The following NTM variants were observed in gnomAD, a reference collection of about 807,000 sequenced individuals.
The protein encoded by NTM is neurotrimin.
Under a neutral mutation model 42.1 loss-of-function variants are expected in NTM, and 13 were observed. The observed-to-expected ratio is 0.31, with a 90% CI of 0.20 to 0.49. The LOEUF (loss-of-function observed/expected upper bound fraction) is 0.49, where lower values mean the gene tolerates loss of function less well. Ranked by LOEUF, NTM falls within the 20% of genes least tolerant of loss-of-function variation. The pLI is 0.99. For synonymous variants in NTM, 187 were observed against 179.2 expected, an observed-to-expected ratio of 1.04 and a Z score of -0.35; for missense variants, 373 against 452.8, an observed-to-expected ratio of 0.82 and a Z score of 1.60.
intron 1 of NTM, among the ~76,000 whole-genome samples, chr11:131,775,535 A>G (rs2086824250): frequency 6.6e-6 from 1 of 152,200 alleles, no homozygotes; most frequent in African/African-American, 2.4e-5. Context: ...AAGAGAAAAC[A>G]TTAGTTCCTG....
intron 2 of NTM, among the ~76,000 whole-genome samples, chr11:131,998,033 C>G (rs1184133757): frequency 6.6e-6 from 1 of 152,106 alleles, no homozygotes; most frequent in Non-Finnish European, 1.5e-5. Flanking sequence ...CCCCTCCCAC[C>G]CCATGGTGTT....
intron 1 of NTM, among the ~76,000 whole-genome samples, chr11:131,722,542 A>G (rs568725415): frequency 1.3e-5 from 2 of 152,348 alleles, no homozygotes; most frequent in Non-Finnish European, 2.9e-5. Flanking sequence ...GTGAAGGAGG[A>G]AGATGAAGTT....
At chr11:132,161,471 T>G (rs1448232760) in intron 3 of NTM, among the ~76,000 whole-genome samples, 1 of 151,000 alleles carries the variant, frequency 6.6e-6, no homozygotes, top group Non-Finnish European at 1.5e-5. Context: ...TTTTTCATGG[T>G]GTCCTATTTC....
intron 5 of NTM, 96 bp from the exon 6 acceptor site, chr11:132,310,016 A>ACTGGAATGTG: frequency 7.0e-7 from 1 of 1,424,938 alleles, no homozygotes; most frequent in Non-Finnish European, 9.3e-7. Flanking sequence ...AGATCATGCC[A>ACTGGAATGTG]CTGCATTCCA....
chr11:132,313,337 T>C (rs1014757360), intron 6 of NTM, among the ~76,000 whole-genome samples: 3 of 152,086 alleles, frequency 2.0e-5, no homozygotes, highest in Non-Finnish European at 2.9e-5. Flanking sequence ...CCCCAAAGCA[T>C]GTCCCCTGAA....
chr11:132,126,794 C>A (rs2065912802), intron 2 of NTM, among the ~76,000 whole-genome samples: 1 of 152,108 alleles, frequency 6.6e-6, no homozygotes, highest in Non-Finnish European at 1.5e-5. Context: ...GTGCTGGCTG[C>A]GACCTTGCAG....
intron 4 of NTM, among the ~76,000 whole-genome samples, chr11:132,212,714 C>G (rs533368773): frequency 6.6e-6 from 1 of 152,264 alleles, no homozygotes; most frequent in African/African-American, 2.4e-5. Context: ...GTTACGTAGA[C>G]CAAAGTGTTG....
chr11:131,812,190 C>CTCTG (rs942041571), intron 1 of NTM, among the ~76,000 whole-genome samples: 12 of 24,036 alleles, frequency 5.0e-4, no homozygotes, highest in African/African-American at 9.3e-4. Context: ...CAGCCTCTCT[C>CTCTG]TCTCTCTCTC....
chr11:131,588,524 T>C (rs2458773), intron 1 of NTM, among the ~76,000 whole-genome samples: 14,525 of 152,264 alleles, frequency 0.095, 1,750 homozygotes, highest in African/African-American at 0.28. Context: ...CTATATTTTA[T>C]AGATGCTGGA....
chr11:131,759,911 C>T (rs118136434), intron 1 of NTM, among the ~76,000 whole-genome samples: 2,488 of 151,834 alleles, frequency 0.016, 26 homozygotes, highest in Middle Eastern at 0.02. Context: ...AGGGAGAGAA[C>T]GATGTGAGAG....
chr11:132,323,314 A>G (rs985888594), intron 7 of NTM, among the ~76,000 whole-genome samples: 2 of 152,108 alleles, frequency 1.3e-5, no homozygotes, highest in Admixed American at 1.3e-4. Flanking sequence ...GAAGAATCAA[A>G]TAGACGCAAT....
At chr11:132,297,941 G>A (rs1337036063) in intron 4 of NTM, among the ~76,000 whole-genome samples, 1 of 152,194 alleles carries the variant, frequency 6.6e-6, no homozygotes, top group Non-Finnish European at 1.5e-5. Context: ...ACAATTCTCA[G>A]ATTAAGAACC....
chr11:132,036,158 CGTGTTAAATG>C (rs2135717569), intron 2 of NTM, among the ~76,000 whole-genome samples: 1 of 152,140 alleles, frequency 6.6e-6, no homozygotes, highest in African/African-American at 2.4e-5. Flanking sequence ...TTCTGCATGG[CGTGTTAAATG>C]GTGTACTAGG....
At chr11:131,904,027 T>G (rs553025987) in intron 1 of NTM, among the ~76,000 whole-genome samples, 8 of 152,182 alleles carry the variant, frequency 5.3e-5, no homozygotes, top group Non-Finnish European at 1.0e-4. Context: ...ATGGGCTGAG[T>G]TGAAACTAGA....
At chr11:131,602,884 A>G (rs1432332414) in intron 1 of NTM, among the ~76,000 whole-genome samples, 2 of 152,158 alleles carry the variant, frequency 1.3e-5, no homozygotes, top group Non-Finnish European at 2.9e-5. Context: ...CTTACCACCT[A>G]TATTTAATTG....
At chr11:131,389,285 G>A (rs1216543568) in intron 1 of NTM, among the ~76,000 whole-genome samples, 1 of 152,200 alleles carries the variant, frequency 6.6e-6, no homozygotes, top group Non-Finnish European at 1.5e-5. Flanking sequence ...GTGGGACCTT[G>A]ATGCTGTGGC....
intron 1 of NTM, among the ~76,000 whole-genome samples, chr11:131,629,300 C>T (rs534551283): frequency 2.0e-5 from 3 of 152,236 alleles, no homozygotes; most frequent in African/African-American, 2.4e-5. Context: ...AAACCAGGCT[C>T]TCTTAATCTG....
rs541615181 is a variant in NTM, at chr11:132,027,511, T to G, written c.167+115863T>G. Among the ~76,000 whole-genome samples the G allele has an allele frequency of 2.0e-5, 3 of 152,354 alleles. No homozygotes were observed. In the South Asian group the frequency reaches 6.2e-4, roughly 32 times the overall value. ...ACCTTTGACGAATAATTTTGCTGGATACAGAATTCTAGATTGGTGGTTCTT... is the reference window on the plus strand; with the variant it reads ...ACCTTTGACGAATAATTTTGCTGGAGACAGAATTCTAGATTGGTGGTTCTT... On this transcript the variant is annotated intron_variant, in intron 2 of 8. Transcript: ENST00000683400.
At chr11:131,915,356 C>G (rs1471566625) in intron 2 of NTM, among the ~76,000 whole-genome samples, 1 of 152,204 alleles carries the variant, frequency 6.6e-6, no homozygotes, top group African/African-American at 2.4e-5. Flanking sequence ...CCAGTGTTAT[C>G]TCTCTGTCTT....
Sources: gnomAD v4.1 joint callset for allele counts (sites outside exome capture counted in the v4.1 genomes callset) on GRCh38, gnomAD v4.1.1 for gene constraint, MANE v1.5 for transcripts, NCBI Gene and HGNC (gene_info 2026-07-23, HGNC 2026-07-21) for gene names.